MYO3B: variants seen among roughly 807,000 people sequenced by gnomAD.
MYO3B encodes myosin-IIIb.
MYO3B carries 156 observed loss-of-function variants against 174.6 expected under a neutral mutation model. That is an observed-to-expected ratio of 0.89 (90% confidence interval 0.78 to 1.02). MYO3B has a LOEUF of 1.02. Among genes scored for constraint, MYO3B ranks in the 50% least tolerant of loss-of-function variants. The pLI, the probability that MYO3B is intolerant of heterozygous loss-of-function variation, is 0.00. For synonymous variants in MYO3B, 563 were observed against 569.1 expected, an observed-to-expected ratio of 0.99 and a Z score of 0.15; for missense variants, 1,632 against 1,639.4, an observed-to-expected ratio of 1.00 and a Z score of 0.08.
chr2:170,620,368 G>C (rs1448145471), intron 32 of MYO3B, among the ~76,000 whole-genome samples: 4 of 152,222 alleles, frequency 2.6e-5, no homozygotes, highest in African/African-American at 9.6e-5. Context: ...CAGAGTGCCT[G>C]AGCTGGAATG....
intron 3 of MYO3B, among the ~76,000 whole-genome samples, chr2:170,207,513 CAG>C (rs1441667737): frequency 6.6e-6 from 1 of 152,072 alleles, no homozygotes; most frequent in African/African-American, 2.4e-5. Context: ...GCCATCGTGT[CAG>C]GCTTTTGGGT....
At chr2:170,540,312 C>T (rs556356297) in intron 30 of MYO3B, among the ~76,000 whole-genome samples, 5 of 151,830 alleles carry the variant, frequency 3.3e-5, no homozygotes, top group South Asian at 4.2e-4. Context: ...CAACAGAGTG[C>T]GATTCTATCT....
chr2:170,500,235 A>G (rs995757748), intron 27 of MYO3B, among the ~76,000 whole-genome samples: 2 of 152,252 alleles, frequency 1.3e-5, no homozygotes, highest in African/African-American at 4.8e-5. Context: ...TGAAGCTTAA[A>G]TACCCTCTTC....
intron 1 of MYO3B, among the ~76,000 whole-genome samples, chr2:170,193,699 A>G (rs1159660326): frequency 6.6e-6 from 1 of 152,076 alleles, no homozygotes; most frequent in Non-Finnish European, 1.5e-5. Context: ...TAGAGATTTG[A>G]TAACTTTATA....
At position 170,512,697 on chromosome 2, in the gene MYO3B, A is replaced by C. The variant is rs535553323; in HGVS notation, c.3371-2224A>C. 1.5e-4 allele frequency among the ~76,000 whole-genome samples: 23 copies of C among 152,318 alleles called. 1 individual carries two copies. The highest frequency in any genetic ancestry group is 1.3e-3 in the East Asian group (7 of 5,188). On this transcript the variant is annotated intron_variant, in intron 28 of 34. Coordinates refer to ENST00000408978, the MANE Select transcript of MYO3B (RefSeq NM_138995.5). The stretch of plus-strand genomic sequence containing the variant: ...GCCCAAGCACATGAAAGAATGTAAC[A>C]AAGGTCTGATTTTTTTACTTTCATT...
intron 7 of MYO3B, among the ~76,000 whole-genome samples, chr2:170,271,454 A>T (rs2105370122): frequency 6.6e-6 from 1 of 152,256 alleles, no homozygotes; most frequent in African/African-American, 2.4e-5. Context: ...TCTAGAATAT[A>T]TTTTCAACTC....
chr2:170,491,467 A>C (rs893199793), intron 25 of MYO3B, among the ~76,000 whole-genome samples: 4 of 146,950 alleles, frequency 2.7e-5, no homozygotes, highest in East Asian at 4.1e-4. Flanking sequence ...GTCTCTGTCG[A>C]CAGGCTGGAG....
At chr2:170,247,239 C>T (rs535697538) in intron 7 of MYO3B, among the ~76,000 whole-genome samples, 1 of 152,234 alleles carries the variant, frequency 6.6e-6, no homozygotes, top group East Asian at 1.9e-4. Flanking sequence ...CACAGTAGTA[C>T]TTGGGGACAT....
intron 7 of MYO3B, among the ~76,000 whole-genome samples, chr2:170,270,760 G>A (rs983260979): frequency 1.1e-4 from 17 of 152,194 alleles, no homozygotes; most frequent in Admixed American, 1.1e-3. Flanking sequence ...AGGGTTGGAG[G>A]TGTGACCCCA....
At chr2:170,291,693 A>G (rs1255744542) in intron 7 of MYO3B, among the ~76,000 whole-genome samples, 1 of 142,428 alleles carries the variant, frequency 7.0e-6, no homozygotes, top group Non-Finnish European at 1.5e-5. Context: ...TTTGCTGGGC[A>G]TAGTATTCTT....
intron 32 of MYO3B, among the ~76,000 whole-genome samples, chr2:170,589,728 AATTT>A (rs776499881): frequency 1.2e-4 from 18 of 152,316 alleles, no homozygotes; most frequent in Non-Finnish European, 2.6e-4. Flanking sequence ...AGCTAAGGTT[AATTT>A]ATTATTGAAG....
chr2:170,186,489 A>G (rs116059561), intron 1 of MYO3B, among the ~76,000 whole-genome samples: 6,037 of 152,302 alleles, frequency 0.04, 176 homozygotes, highest in Non-Finnish European at 0.057. Context: ...GTCAGGATGA[A>G]TAATCTTTTT....
intron 32 of MYO3B, among the ~76,000 whole-genome samples, chr2:170,581,112 T>C (rs1224132198): frequency 2.6e-5 from 4 of 152,152 alleles, no homozygotes. Flanking sequence ...TCTCCAAACA[T>C]GTAGTACAAA....
Position 170,460,052 on chromosome 2 carries a change from C to T in MYO3B, c.2731-3316C>T, listed in dbSNP as rs554395800. On this transcript the variant is annotated intron_variant, in intron 23 of 34. Transcript: ENST00000408978. ...AGAAGGAGCCAGCTCCGCCCTCGGC[C>T]AGCCCAGAGAGGGGCTCCCACAGTG... Among the ~76,000 whole-genome samples, 41 of 152,254 alleles carry T rather than the reference C, an allele frequency of 2.7e-4. 1 individual carries two copies. The East Asian group carries it at 6.2e-3, about 23-fold the overall frequency.
chr2:170,569,860 C>CA (rs1347047501), intron 32 of MYO3B, among the ~76,000 whole-genome samples: 2 of 118,422 alleles, frequency 1.7e-5, no homozygotes, highest in Non-Finnish European at 3.4e-5. Context: ...GGCTCTATCT[C>CA]GAAAAAAAAA....
intron 22 of MYO3B, among the ~76,000 whole-genome samples, chr2:170,423,800 T>C (rs1222231091): frequency 6.6e-6 from 1 of 152,066 alleles, no homozygotes; most frequent in East Asian, 1.9e-4. Flanking sequence ...AGGATGGTCT[T>C]GGTCTCTTTA....
chr2:170,628,370 T>A (rs1323710274), intron 32 of MYO3B, among the ~76,000 whole-genome samples: 1 of 152,240 alleles, frequency 6.6e-6, no homozygotes, highest in Non-Finnish European at 1.5e-5. Flanking sequence ...AATCTCCTGG[T>A]GTGCTGTTTG....
chr2:170,444,113 A>G, intron 23 of MYO3B, 67 bp downstream of exon 23: 1 of 1,396,190 alleles, frequency 7.2e-7, no homozygotes, highest in Non-Finnish European at 1.0e-6. Flanking sequence ...GGATAATCTT[A>G]GAGTGGGCAG....
chr2:170,376,327 G>A (rs538512566), intron 9 of MYO3B, among the ~76,000 whole-genome samples: 3 of 152,140 alleles, frequency 2.0e-5, no homozygotes, highest in Admixed American at 1.3e-4. Flanking sequence ...ATATAGTTAC[G>A]GTAAAATAAA....
Sources: allele counts gnomAD v4.1 joint callset (sites outside exome capture counted in the v4.1 genomes callset), GRCh38; gene constraint gnomAD v4.1.1; transcripts MANE v1.5; gene names NCBI Gene and HGNC (gene_info 2026-07-23, HGNC 2026-07-21).